The following HABP2 variants were observed in gnomAD, a reference collection of about 807,000 sequenced individuals.
HABP2 encodes the protein hyaluronan binding protein 2.
HABP2 carries 65 observed loss-of-function variants against 66.5 expected under a neutral mutation model. The observed-to-expected ratio is 0.98, with a 90% CI of 0.80 to 1.20. The LOEUF is 1.20. Ranked by LOEUF, HABP2 falls within the 50% of genes most tolerant of loss-of-function variation. The pLI, the probability that HABP2 is intolerant of heterozygous loss-of-function variation, is 0.00. For missense variants in HABP2, 786 were observed against 691.0 expected (o/e 1.14, Z -1.54); for synonymous variants, 263 against 253.9 (o/e 1.04, Z -0.34).
chr10:113,582,010 C>T lies in HABP2; in HGVS notation c.973C>T (p.His325Tyr). The T allele has an allele frequency of 6.2e-7, 1 of 1,614,198 alleles. No individual in the cohort carries two copies. The highest frequency in any genetic ancestry group is 8.5e-7 in the Non-Finnish European group (1 of 1,180,020). The change falls in exon 9 of 13, where the codon CAC becomes TAC. Residue 325 changes from histidine to tyrosine, a missense_variant. Coordinates refer to ENST00000351270, the MANE Select transcript of HABP2 (RefSeq NM_004132.5). ...AGGCTTTAAGAGCACGGCGGGCAAG[C>T]ACCCATGGCAGGCGTCCCTCCAGTC... is the stretch of plus-strand genomic sequence containing the variant. ...YGGFKSTAGK[H>Y]PWQASLQSSL...
At chr10:113,568,010 A>G (rs1845232342) in intron 2 of HABP2, among the ~76,000 whole-genome samples, 2 of 152,128 alleles carry the variant, frequency 1.3e-5, no homozygotes, top group African/African-American at 4.8e-5. Flanking sequence ...CTCTGCCCAA[A>G]TGGTTTGCTT....
intron 3 of HABP2, among the ~76,000 whole-genome samples, chr10:113,575,366 C>A (rs1845389547): frequency 6.6e-6 from 1 of 152,228 alleles, no homozygotes; most frequent in African/African-American, 2.4e-5. Context: ...ATGAAGGCCA[C>A]TGGGTCATTT....
chr10:113,554,898 G>A (rs1260266042), intron 1 of HABP2, among the ~76,000 whole-genome samples: 1 of 152,206 alleles, frequency 6.6e-6, no homozygotes, highest in Non-Finnish European at 1.5e-5. Context: ...ATTCCAAAGA[G>A]AGGATTCGGG....
intron 12 of HABP2, among the ~76,000 whole-genome samples, chr10:113,587,083 G>A (rs1845652686): frequency 1.3e-5 from 2 of 152,228 alleles, no homozygotes; most frequent in African/African-American, 4.8e-5. Flanking sequence ...GGGAGGCTGA[G>A]GCGGGCAGAT....
At position 113,582,022 on chromosome 10, in the gene HABP2, G is replaced by A. The variant is rs147988239; in HGVS notation, c.985G>A (p.Ala329Thr). 80 of 1,614,144 alleles carry A rather than the reference G, an allele frequency of 5.0e-5. No homozygotes were observed. In the African/African-American group the frequency reaches 9.1e-4, roughly 18 times the overall value. ...KSTAGKHPWQ[A>T]SLQSSLPLTI... ...CACGGCGGGCAAGCACCCATGGCAG[G>A]CGTCCCTCCAGTCCTCGCTGCCTCT... The change falls in exon 9 of 13, where the codon GCG becomes ACG. Residue 329 changes from alanine to threonine, a missense_variant. Physicochemically the swap from Ala to Thr is moderately conservative, Grantham distance 58. Coordinates refer to ENST00000351270, the MANE Select transcript of HABP2 (RefSeq NM_004132.5).
At position 113,578,759 on chromosome 10, in the gene HABP2, A is replaced by G. The variant is rs756569116; in HGVS notation, c.701A>G (p.Asp234Gly). 3 of 1,612,596 alleles carry G rather than the reference A, an allele frequency of 1.9e-6. No homozygotes were observed. Among genetic ancestry groups the G allele is most frequent in the Admixed American group, 3.3e-5 (2 of 60,020 alleles). The change falls in exon 7 of 13, where the codon GAT (aspartate) becomes GGT (glycine). Residue 234 changes from aspartate (D) to glycine (G), a missense_variant. By Grantham distance (94) the Asp-to-Gly change is moderately conservative (BLOSUM62 -1). Coordinates refer to ENST00000351270, the MANE Select transcript of HABP2 (RefSeq NM_004132.5). ...GAGAATTACAACATGTTTATGGAGG[A>G]TGCTGAAACCCATGGGATTGGGGAA... ...LQENYNMFME[D>G]AETHGIGEHN...
Position 113,585,145 on chromosome 10 carries a change from G to A in HABP2, c.1373-648G>A, listed in dbSNP as rs114424625. ...AAGATGTCTGGCTAATTGGATTTAG[G>A]GTCAGCCAGTAAACTCATTTTACAG... On this transcript the variant is annotated intron_variant, in intron 11 of 12. Coordinates refer to ENST00000351270, the MANE Select transcript of HABP2 (RefSeq NM_004132.5). Among the ~76,000 whole-genome samples the A allele has an allele frequency of 1.5e-3, 226 of 152,190 alleles. 1 individual carries two copies. The highest frequency in any genetic ancestry group is 5.3e-3 in the African/African-American group (221 of 41,524).
In HABP2 at chr10:113,588,386, C is replaced by A; in HGVS notation, c.*17C>A. The stretch of plus-strand genomic sequence containing the variant: ...GGCTTCTAAGGTACTGTCTTCTGGA[C>A]CTCAGAGCCCACTCTCCTTGGCACC... On this transcript the variant is annotated 3_prime_UTR_variant, in exon 13 of 13. Coordinates refer to ENST00000351270, the MANE Select transcript of HABP2 (RefSeq NM_004132.5). The A allele has an allele frequency of 1.3e-6, 2 of 1,594,800 alleles. No homozygotes were observed. Among genetic ancestry groups the A allele is most frequent in the East Asian group, 2.2e-5 (1 of 44,702 alleles).
chr10:113,568,581 C>T (rs1007198806), intron 2 of HABP2, among the ~76,000 whole-genome samples: 6 of 152,170 alleles, frequency 3.9e-5, no homozygotes, highest in African/African-American at 1.2e-4. Flanking sequence ...TTCCCCAACA[C>T]GAAGGATATT....
intron 2 of HABP2, among the ~76,000 whole-genome samples, chr10:113,573,759 C>T (rs1845355779): frequency 1.3e-5 from 2 of 152,176 alleles, no homozygotes; most frequent in South Asian, 4.1e-4. Flanking sequence ...GTAGATAATG[C>T]TTGACCATGA....
rs947528759 is a variant in HABP2, at chr10:113,553,438, G to A, written c.69+248G>A. On this transcript the variant is annotated intron_variant, in intron 1 of 12. Coordinates refer to ENST00000351270, the MANE Select transcript of HABP2 (RefSeq NM_004132.5). ...TCCATGAATGCATTCCAGCAAAGGA[G>A]ACTGGGGCAAGAAAATGTGCCCCAG... 1.1e-4 allele frequency among the ~76,000 whole-genome samples: 16 copies of A among 152,258 alleles called. 1 individual carries two copies. The highest frequency in any genetic ancestry group is 3.6e-4 in the African/African-American group (15 of 41,474).
chr10:113,563,705 C>A (rs993242311), intron 1 of HABP2, among the ~76,000 whole-genome samples: 2 of 152,226 alleles, frequency 1.3e-5, no homozygotes, highest in Admixed American at 1.3e-4. Context: ...CCAGGATGCG[C>A]AATGCTGGCC....
At chr10:113,587,912 C>G (rs986553018) in intron 12 of HABP2, among the ~76,000 whole-genome samples, 1 of 152,024 alleles carries the variant, frequency 6.6e-6, no homozygotes, top group Non-Finnish European at 1.5e-5. Context: ...TGAGGGCCCC[C>G]GAGAACTCAC....
Position 113,588,814 on chromosome 10 carries a change from T to TACA in HABP2, c.*449_*451dup. The TACA allele has an allele frequency of 1.6e-6, 1 of 641,100 alleles. No individual in the cohort carries two copies. Among genetic ancestry groups the TACA allele is most frequent in the Non-Finnish European group, 2.8e-6 (1 of 359,930 alleles). 39.7% of individuals were successfully genotyped at this position (641,100 alleles called of 1,614,324 possible). A position where few individuals can be genotyped will look rare whatever the true frequency, so the allele number is the denominator to read the frequency against. ...TCTAGGTATCAGAGAGGACCACAAA[T>TACA]ACAACATTCTCCATCTGCTTTCAGA... On this transcript the variant is annotated 3_prime_UTR_variant, in exon 13 of 13. Coordinates refer to ENST00000351270, the MANE Select transcript of HABP2 (RefSeq NM_004132.5).
chr10:113,569,572 A>G (rs927738660), intron 2 of HABP2: 2 of 152,352 alleles, frequency 1.3e-5, no homozygotes, highest in Admixed American at 6.5e-5. Flanking sequence ...GAAGGTGCGC[A>G]TTCCACAGTC....
chr10:113,577,036 C>A, intron 4 of HABP2, 114 bp from the exon 5 acceptor site: 1 of 714,202 alleles, frequency 1.4e-6, no homozygotes, highest in Middle Eastern at 2.4e-4. Context: ...TTCAGGACCA[C>A]GGACAAGGCT....
chr10:113,578,190 A>G (rs760418017), intron 6 of HABP2, 45 bp downstream of exon 6: 1 of 1,601,222 alleles, frequency 6.2e-7, no homozygotes, highest in African/African-American at 1.3e-5. Flanking sequence ...AGGCCTCTGG[A>G]ACCCTTTCCT....
intron 1 of HABP2, among the ~76,000 whole-genome samples, chr10:113,562,394 A>G (rs4545483): frequency 6.0e-5 from 9 of 151,094 alleles, no homozygotes; most frequent in South Asian, 2.1e-4. Flanking sequence ...ACTGGGGCCA[A>G]GTAGGCCCTC....
rs149879864 is a variant in HABP2 at position 113,577,205 on chromosome 10, G to C, written c.387G>C (p.Gln129His). The change falls in exon 5 of 13, where the codon CAG becomes CAC. Residue 129 changes from glutamine to histidine, a missense_variant. Gln to His is a conservative substitution (Grantham distance 24). Coordinates refer to ENST00000351270, the MANE Select transcript of HABP2 (RefSeq NM_004132.5). ...GCCGGGGCCAATGTCTCATTACCCA[G>C]AGTCCTCCCTACTACCGCTGTGTCT... ...PCGRGQCLIT[Q>H]SPPYYRCVCK... is the part of the protein sequence containing the mutation. 88 of 1,613,592 alleles carry C rather than the reference G, an allele frequency of 5.5e-5. No individual in the cohort carries two copies. In the African/African-American group the frequency reaches 8.9e-4, roughly 16 times the overall value.
Sources: allele counts gnomAD v4.1 joint callset (sites outside exome capture counted in the v4.1 genomes callset), GRCh38; gene constraint gnomAD v4.1.1; transcripts MANE v1.5; gene names NCBI Gene and HGNC (gene_info 2026-07-23, HGNC 2026-07-21).